The following MCPH1 variants were observed in gnomAD, a reference collection of about 807,000 sequenced individuals.
MCPH1 encodes microcephalin 1.
A neutral mutation model predicts 84.5 loss-of-function variants in MCPH1; 104 were observed. The observed-to-expected ratio is 1.23, with a 90% CI of 1.05 to 1.45. The LOEUF (loss-of-function observed/expected upper bound fraction) is 1.45. Among genes scored for constraint, MCPH1 ranks in the 40% most tolerant of loss-of-function variants. MCPH1 has a pLI of 0.00. For missense variants in MCPH1, 1,498 were observed against 1,005.7 expected (o/e 1.49, Z -6.62); for synonymous variants, 514 against 366.8 (o/e 1.40, Z -4.58).
At chr8:6,529,134 A>G (rs1046306724) in intron 12 of MCPH1, among the ~76,000 whole-genome samples, 1 of 152,188 alleles carries the variant, frequency 6.6e-6, no homozygotes, top group African/African-American at 2.4e-5. Flanking sequence ...AATTGTAACC[A>G]TTTTCACATC....
chr8:6,535,225 C>T (rs1820267932), intron 12 of MCPH1, among the ~76,000 whole-genome samples: 1 of 152,226 alleles, frequency 6.6e-6, no homozygotes, highest in Non-Finnish European at 1.5e-5. Flanking sequence ...TCCTCTAATA[C>T]TGCCTTCCCC....
At chr8:6,503,289 A>C (rs1563300839) in intron 12 of MCPH1, 1 of 1,613,594 alleles carries the variant, frequency 6.2e-7, no homozygotes, top group South Asian at 1.1e-5. Flanking sequence ...AGAAGGAATT[A>C]GGAACTAGGT....
At chr8:6,559,182 T>C (rs1276229685) in intron 12 of MCPH1, among the ~76,000 whole-genome samples, 16 of 151,890 alleles carry the variant, frequency 1.1e-4, no homozygotes, top group Non-Finnish European at 1.5e-5. Flanking sequence ...GGTTTTATTG[T>C]TGTTGTTTTA....
chr8:6,541,972 C>T (rs1461380890), intron 12 of MCPH1, among the ~76,000 whole-genome samples: 1 of 148,144 alleles, frequency 6.8e-6, no homozygotes, highest in African/African-American at 2.5e-5. Flanking sequence ...CGTGCCACTG[C>T]ACTCCAGCCT....
chr8:6,614,973 A>C (rs1466827622), intron 12 of MCPH1, among the ~76,000 whole-genome samples: 1 of 151,894 alleles, frequency 6.6e-6, no homozygotes, highest in African/African-American at 2.4e-5. Context: ...TGAGCCTCCT[A>C]ACACACGGAT....
chr8:6,434,227 A>G (rs1291759488), intron 4 of MCPH1, among the ~76,000 whole-genome samples: 3 of 152,192 alleles, frequency 2.0e-5, no homozygotes, highest in South Asian at 2.1e-4. Context: ...CAAAATAACA[A>G]TGTGTCCAAC....
At chr8:6,559,944 G>A (rs1003892657) in intron 12 of MCPH1, among the ~76,000 whole-genome samples, 2 of 152,194 alleles carry the variant, frequency 1.3e-5, no homozygotes, top group Non-Finnish European at 2.9e-5. Context: ...AGTTCATTCA[G>A]AAGCCTGACA....
intron 12 of MCPH1, among the ~76,000 whole-genome samples, chr8:6,504,376 C>T (rs1462408817): frequency 1.3e-5 from 2 of 149,060 alleles, no homozygotes; most frequent in African/African-American, 2.5e-5. Flanking sequence ...TTCTGAGTAA[C>T]GGGATAAAAT....
chr8:6,628,412 G>A (rs918348201), intron 13 of MCPH1, among the ~76,000 whole-genome samples: 3 of 142,214 alleles, frequency 2.1e-5, no homozygotes, highest in African/African-American at 7.9e-5. Context: ...AGAGCTTGCA[G>A]TGAGCCGAGA....
chr8:6,575,850 G>C (rs1827035899), intron 12 of MCPH1, among the ~76,000 whole-genome samples: 1 of 152,128 alleles, frequency 6.6e-6, no homozygotes, highest in Non-Finnish European at 1.5e-5. Flanking sequence ...GAACACCAAA[G>C]ATGAGCAGCC....
intron 12 of MCPH1, chr8:6,502,129 G>A (rs1040412925): frequency 1.3e-5 from 2 of 152,018 alleles, no homozygotes; most frequent in Admixed American, 6.6e-5. Flanking sequence ...ACAGACCTCT[G>A]TTTTAGAATA....
chr8:6,606,048 C>T lies in MCPH1; in HGVS notation c.2215-15406C>T, dbSNP rs113942300. The stretch of plus-strand genomic sequence containing the variant: ...GCTTGTTTAAAAAACTGAATCCACA[C>T]TGGTAAGTTTTGTTTTAATAAAAAA... On this transcript the variant is annotated intron_variant, in intron 12 of 13. Transcript: ENST00000344683. Among the ~76,000 whole-genome samples, 509 of 152,274 alleles carry T rather than the reference C, an allele frequency of 3.3e-3. 1 individual carries two copies. Among genetic ancestry groups the T allele is most frequent in the African/African-American group, 0.011 (471 of 41,542 alleles).
intron 3 of MCPH1, among the ~76,000 whole-genome samples, chr8:6,419,122 TACAC>T (rs1378714195): frequency 7.6e-6 from 1 of 131,574 alleles, no homozygotes; most frequent in Admixed American, 8.2e-5. Flanking sequence ...TATATTTATA[TACAC>T]ATACACACAC....
At chr8:6,481,629 A>C (rs1044401211) in intron 11 of MCPH1, among the ~76,000 whole-genome samples, 4 of 152,212 alleles carry the variant, frequency 2.6e-5, no homozygotes, top group African/African-American at 9.6e-5. Flanking sequence ...CAGTAGAATT[A>C]TAACATGCAA....
chr8:6,437,952 A>C (rs1802921009), intron 5 of MCPH1, among the ~76,000 whole-genome samples: 1 of 152,198 alleles, frequency 6.6e-6, no homozygotes, highest in Non-Finnish European at 1.5e-5. Context: ...TGAAAACTTT[A>C]AACCAGAAGG....
At chr8:6,514,644 A>T (rs1352597016) in intron 12 of MCPH1, 1 of 1,588,040 alleles carries the variant, frequency 6.3e-7, no homozygotes, top group Non-Finnish European at 8.6e-7. Context: ...CACAAGGGAA[A>T]TTCTTTTCTG....
intron 3 of MCPH1, among the ~76,000 whole-genome samples, chr8:6,417,144 C>A (rs139189720): frequency 9.5e-4 from 144 of 152,290 alleles, no homozygotes; most frequent in African/African-American, 3.1e-3. Flanking sequence ...TGTGTTTCTA[C>A]ATATGATTCG....
chr8:6,625,962 T>C, intron 13 of MCPH1: 3 of 985,262 alleles, frequency 3.0e-6, no homozygotes, highest in Non-Finnish European at 2.4e-6. Context: ...ATTAGTATTC[T>C]GTGGCCAGAG....
chr8:6,628,469 CAAAAAAAAAAA>C (rs34188003), intron 13 of MCPH1, among the ~76,000 whole-genome samples: 3 of 41,584 alleles, frequency 7.2e-5, no homozygotes, highest in Admixed American at 3.1e-4. Context: ...GACTCTGTCT[CAAAAAAAAAAA>C]AAAAAAAAAA....
Sources: allele counts gnomAD v4.1 joint callset (sites outside exome capture counted in the v4.1 genomes callset), GRCh38; gene constraint gnomAD v4.1.1; transcripts MANE v1.5; gene names NCBI Gene and HGNC (gene_info 2026-07-23, HGNC 2026-07-21).